PDXDC1: variants seen among roughly 807,000 people sequenced by gnomAD.
PDXDC1 encodes pyridoxal dependent decarboxylase domain containing 1, also known as pyridoxal-dependent decarboxylase domain-containing protein 1.
In PDXDC1, 42 loss-of-function variants were observed where a neutral mutation model predicts 100.1. The observed-to-expected ratio is 0.42, with a 90% confidence interval of 0.33 to 0.54. The LOEUF is 0.54. Among genes scored for constraint, PDXDC1 ranks in the 20% least tolerant of loss-of-function variants. PDXDC1 has a pLI of 0.10. For missense variants in PDXDC1, 636 were observed against 979.2 expected (o/e 0.65, Z 4.68); for synonymous variants, 260 against 371.7 (o/e 0.70, Z 3.46).
intron 1 of PDXDC1, among the ~76,000 whole-genome samples, chr16:14,991,554 T>TTG (rs1281229248): frequency 2.0e-5 from 3 of 150,012 alleles, no homozygotes; most frequent in Non-Finnish European, 4.4e-5. Context: ...GGTGACAGGT[T>TTG]GTTGCTCTGT....
chr16:14,975,263 G>C (rs1966624924), intron 1 of PDXDC1, 43 bp downstream of exon 1: 8 of 1,384,724 alleles, frequency 5.8e-6, no homozygotes, highest in Admixed American at 3.7e-5. Flanking sequence ...CTGCGGCCCG[G>C]GGCTCCCGCT....
chr16:15,017,792 C>CTTTTTTT (rs1245561796), intron 11 of PDXDC1, among the ~76,000 whole-genome samples: 1 of 146,314 alleles, frequency 6.8e-6, no homozygotes. Context: ...TAGGTTTTAA[C>CTTTTTTT]TTTTTTTTTT....
At chr16:15,038,640 C>T (rs779619434), downstream of PDXDC1, 43 of 1,607,900 alleles carry the variant, frequency 2.7e-5, no homozygotes, top group Middle Eastern at 1.7e-4. Flanking sequence ...TCCAGGAGTA[C>T]GGTCCTATAC....
At chr16:14,985,521 G>A (rs1413647750) in intron 1 of PDXDC1, among the ~76,000 whole-genome samples, 11 of 152,188 alleles carry the variant, frequency 7.2e-5, no homozygotes, top group Non-Finnish European at 1.0e-4. Flanking sequence ...ATCTGACCTC[G>A]TGATCCACCT....
At chr16:15,131,130 A>G (rs538415554) in intron 16 of PDXDC1, 12 of 1,603,086 alleles carry the variant, frequency 7.5e-6, no homozygotes, top group Admixed American at 1.7e-5. Context: ...GCACGGCCGC[A>G]GGGTTGCTGC....
intron 8 of PDXDC1, among the ~76,000 whole-genome samples, chr16:15,014,837 G>A (rs2041659015): frequency 1.3e-5 from 2 of 152,294 alleles, no homozygotes; most frequent in South Asian, 4.1e-4. Context: ...CAATTACCAA[G>A]GGAGCGGCTG....
At chr16:15,090,873 GT>G (rs4012873) in intron 16 of PDXDC1, among the ~76,000 whole-genome samples, 59,496 of 128,008 alleles carry the variant, frequency 0.46, 11,445 homozygotes, top group Middle Eastern at 0.59. Context: ...TCAGTGGTTT[GT>G]TTTTTTTTTT....
chr16:15,010,697 A>G (rs1201183510), intron 8 of PDXDC1, among the ~76,000 whole-genome samples: 1 of 152,292 alleles, frequency 6.6e-6, no homozygotes, highest in Non-Finnish European at 1.5e-5. Flanking sequence ...AGGAAGAAAT[A>G]AAACTTTGTT....
At chr16:15,031,714 T>A in intron 16 of PDXDC1, 21 bp from the exon 17 acceptor site, 1 of 1,598,458 alleles carries the variant, frequency 6.3e-7, no homozygotes, top group Non-Finnish European at 8.6e-7. Context: ...AGCATTTCTC[T>A]GACATTGTGA....
At chr16:15,141,340 C>T (rs996731022), downstream of PDXDC1, among the ~76,000 whole-genome samples, 9 of 152,222 alleles carry the variant, frequency 5.9e-5, no homozygotes, top group Admixed American at 2.6e-4. Context: ...ACAGAGCAGC[C>T]GAGGCCTTCT....
intron 1 of PDXDC1, among the ~76,000 whole-genome samples, chr16:14,992,530 A>G (rs564532696): frequency 6.6e-6 from 1 of 152,402 alleles, no homozygotes; most frequent in African/African-American, 2.4e-5. Flanking sequence ...CATTCTCTTC[A>G]CTGTCTGCAC....
intron 16 of PDXDC1, among the ~76,000 whole-genome samples, chr16:15,096,144 T>C (rs1210793204): frequency 2.0e-5 from 3 of 151,986 alleles, no homozygotes; most frequent in Non-Finnish European, 2.9e-5. Flanking sequence ...AGTCTCGCTC[T>C]GTCACCCAGG....
chr16:14,979,060 A>G (rs2151141276), intron 1 of PDXDC1, among the ~76,000 whole-genome samples: 1 of 152,396 alleles, frequency 6.6e-6, no homozygotes, highest in African/African-American at 2.4e-5. Flanking sequence ...GAAAGTCCCT[A>G]ATTTAGGGAA....
At chr16:15,130,494 G>T in intron 16 of PDXDC1, 7 of 1,375,384 alleles carry the variant, frequency 5.1e-6, no homozygotes, top group Non-Finnish European at 7.2e-6. Flanking sequence ...CCCAGGCTCC[G>T]CCAGGTTGGA....
chr16:15,036,656 G>C lies in PDXDC1; in HGVS notation c.*381G>C, dbSNP rs1329892130. ...AACAGCTTTTCATTAGCACTCTCCA[G>C]GTTCTCTGCAACACTTCACAGAGGC... On this transcript the variant is annotated 3_prime_UTR_variant, in exon 23 of 23. Coordinates refer to ENST00000396410, the MANE Select transcript of PDXDC1 (RefSeq NM_015027.4). 1.7e-5 allele frequency: 4 copies of C among 233,188 alleles called. No homozygotes were observed. The highest frequency in any genetic ancestry group is 3.4e-5 in the Non-Finnish European group (4 of 118,222). 14.4% of individuals were successfully genotyped at this position (233,188 alleles called of 1,614,324 possible).
At chr16:15,151,862 C>T in the PDXDC1 span, among the ~76,000 whole-genome samples, 46 of 120,790 alleles carry the variant, frequency 3.8e-4, 1 homozygote, top group Admixed American at 3.3e-3. Context: ...ACCCAGGAGG[C>T]GGAGGTTGCC....
At chr16:15,144,386 T>TG in the PDXDC1 span, among the ~76,000 whole-genome samples, 2 of 152,066 alleles carry the variant, frequency 1.3e-5, no homozygotes, top group African/African-American at 2.4e-5. Context: ...GGTGCTCATT[T>TG]GAAAAAAAAC....
rs551830677 is a variant in PDXDC1 at position 15,066,301 on chromosome 16, A to G, written c.1399+36245A>G. On this transcript the variant is annotated intron_variant, in intron 16 of 16. Coordinates refer to the PDXDC1 transcript ENST00000535621. ...ACTTCCGGGTGTGTGACAAGGAAGCATGTGCCCACACACAAGAATGTTCCT... is the reference window on the plus strand; with the variant it reads ...ACTTCCGGGTGTGTGACAAGGAAGCGTGTGCCCACACACAAGAATGTTCCT... Among the ~76,000 whole-genome samples, 7 of 151,144 alleles carry G rather than the reference A, an allele frequency of 4.6e-5. No individual in the cohort carries two copies. The East Asian group carries it at 5.9e-4, about 13-fold the overall frequency.
At chr16:15,020,516 CTG>C (rs1377926525) in intron 12 of PDXDC1, among the ~76,000 whole-genome samples, 1 of 152,206 alleles carries the variant, frequency 6.6e-6, no homozygotes, top group Non-Finnish European at 1.5e-5. Context: ...CGGTGAAACC[CTG>C]TCTCTAATAA....
Sources: allele counts gnomAD v4.1 joint callset (sites outside exome capture counted in the v4.1 genomes callset), GRCh38; gene constraint gnomAD v4.1.1; transcripts MANE v1.5; gene names NCBI Gene and HGNC (gene_info 2026-07-23, HGNC 2026-07-21).